Variants in ERBB4 observed in about 807,000 individuals in gnomAD.
ERBB4 encodes erb-b2 receptor tyrosine kinase 4.
Under a neutral mutation model 158.0 loss-of-function variants are expected in ERBB4, and 42 were observed. The ratio of observed to expected loss-of-function variants is 0.27; its 90% CI spans 0.21 to 0.34. ERBB4 has a LOEUF of 0.34. ERBB4 is among the 10% of genes least tolerant of loss of function. The probability of loss-of-function intolerance (pLI) is 1.00; values close to 1 mark genes in which losing one functional copy is unlikely to be tolerated. For synonymous variants in ERBB4, 583 were observed against 558.7 expected (o/e 1.04, Z -0.61); for missense variants, 1,333 against 1,624.1 (o/e 0.82, Z 3.08).
intron 9 of ERBB4, among the ~76,000 whole-genome samples, chr2:211,706,616 CA>C (rs887747554): frequency 6.4e-5 from 9 of 141,108 alleles, no homozygotes; most frequent in African/African-American, 1.3e-4. Flanking sequence ...AAAAAAAAAA[CA>C]AAAAAAACTT....
chr2:212,482,264 A>G (rs965577157), intron 1 of ERBB4, among the ~76,000 whole-genome samples: 3 of 152,222 alleles, frequency 2.0e-5, no homozygotes, highest in Non-Finnish European at 4.4e-5. Flanking sequence ...CGCTGATTGA[A>G]TGTGTTAAAG....
chr2:212,264,749 A>C (rs2085069282), intron 1 of ERBB4, among the ~76,000 whole-genome samples: 1 of 152,148 alleles, frequency 6.6e-6, no homozygotes, highest in African/African-American at 2.4e-5. Context: ...AGCACCGTGA[A>C]TATTATGTGT....
Position 211,702,242 on chromosome 2 carries a change from A to G in ERBB4, c.1290-76T>C, listed in dbSNP as rs192497250. 20 of 1,098,932 alleles carry G rather than the reference A, an allele frequency of 1.8e-5. No homozygotes were observed. In the African/African-American group the frequency reaches 2.3e-4, roughly 13 times the overall value. 68.1% of individuals were successfully genotyped at this position (1,098,932 alleles called of 1,614,324 possible). A position where few individuals can be genotyped will look rare whatever the true frequency, so the allele number is the denominator to read the frequency against. Reference sequence around the variant, plus strand: ...AAATAAGGCTGTCACATTTTATTTTAAAAAGAATGTTAATGGTGTATAAAT... The same window carrying G: ...AAATAAGGCTGTCACATTTTATTTTGAAAAGAATGTTAATGGTGTATAAAT... On this transcript the variant is annotated intron_variant, in intron 11 of 27. Transcript: ENST00000342788.
intron 2 of ERBB4, among the ~76,000 whole-genome samples, chr2:211,972,584 AC>A (rs2081485204): frequency 6.6e-6 from 1 of 152,036 alleles, no homozygotes; most frequent in African/African-American, 2.4e-5. Flanking sequence ...AGAATAGAGA[AC>A]CCAGAAAAAA....
At chr2:212,090,893 C>G (rs1196687428) in intron 2 of ERBB4, among the ~76,000 whole-genome samples, 5 of 152,284 alleles carry the variant, frequency 3.3e-5, no homozygotes, top group African/African-American at 1.2e-4. Context: ...TAAAACTGAA[C>G]TAATGTGATG....
At chr2:212,154,577 T>A (rs2125635026) in intron 1 of ERBB4, among the ~76,000 whole-genome samples, 1 of 152,284 alleles carries the variant, frequency 6.6e-6, no homozygotes, top group South Asian at 2.1e-4. Context: ...TGGCACTTAG[T>A]GTGGATTTAC....
chr2:211,888,805 CG>C (rs1387458025), intron 3 of ERBB4, among the ~76,000 whole-genome samples: 3 of 151,692 alleles, frequency 2.0e-5, no homozygotes, highest in African/African-American at 7.3e-5. Context: ...CCTGGAAAAT[CG>C]GGTCACTCCC....
chr2:212,533,550 G>C (rs1456976366), intron 1 of ERBB4, among the ~76,000 whole-genome samples: 2 of 152,058 alleles, frequency 1.3e-5, no homozygotes, highest in Non-Finnish European at 2.9e-5. Flanking sequence ...CTCAAATTAT[G>C]TTGAAGACAT....
At position 211,539,430 on chromosome 2, in the gene ERBB4, G is replaced by C. The variant is rs572727481; in HGVS notation, c.2487+22473C>G. Among the ~76,000 whole-genome samples, 7 of 152,064 alleles carry C rather than the reference G, an allele frequency of 4.6e-5. No individual in the cohort carries two copies. In the East Asian group the frequency reaches 9.7e-4, roughly 21 times the overall value. The stretch of plus-strand genomic sequence containing the variant: ...TCTAATAAACCAATAGATTTGATTT[G>C]TTTTAAATAAGCACATCTGCGTCTT... On this transcript the variant is annotated intron_variant, in intron 20 of 27. Transcript: ENST00000342788.
rs188258079 is a variant in ERBB4 at position 212,227,520 on chromosome 2, T to C, written c.83-102617A>G. Among the ~76,000 whole-genome samples the C allele has an allele frequency of 5.7e-3, 862 of 152,256 alleles. 8 individuals are homozygous for C. Among genetic ancestry groups the C allele is most frequent in the Admixed American group, 0.012 (189 of 15,286 alleles). ...CTTTCAGCTTGTAGATAATCAACGA[T>C]TAATTTGAATAGTTACTTTATATAT... On this transcript the variant is annotated intron_variant, in intron 1 of 27. Transcript: ENST00000342788.
At chr2:212,383,405 CGAAA>C (rs756791715) in intron 1 of ERBB4, among the ~76,000 whole-genome samples, 1 of 151,254 alleles carries the variant, frequency 6.6e-6, no homozygotes, top group South Asian at 2.1e-4. Flanking sequence ...TCCACTTATC[CGAAA>C]GAAAGAAGGA....
At chr2:211,755,117 G>T (rs979583529) in intron 4 of ERBB4, among the ~76,000 whole-genome samples, 3 of 152,186 alleles carry the variant, frequency 2.0e-5, no homozygotes, top group Admixed American at 6.5e-5. Context: ...AGTACGTCTT[G>T]TTATTTTGGC....
intron 19 of ERBB4, among the ~76,000 whole-genome samples, chr2:211,562,542 C>T (rs2067425862): frequency 6.6e-6 from 1 of 151,894 alleles, no homozygotes; most frequent in African/African-American, 2.4e-5. Flanking sequence ...TAGAGTTGGA[C>T]AGCTTACAAC....
intron 4 of ERBB4, among the ~76,000 whole-genome samples, chr2:211,772,834 T>TATATATATATATACAC (rs1219416032): frequency 0.063 from 649 of 10,314 alleles, 61 homozygotes; most frequent in African/African-American, 0.24. Context: ...TATATATATA[T>TATATATATATATACAC]ACACATATAT....
intron 2 of ERBB4, among the ~76,000 whole-genome samples, chr2:211,976,949 A>G (rs1238703123): frequency 1.3e-5 from 2 of 152,208 alleles, no homozygotes; most frequent in Admixed American, 1.3e-4. Context: ...ATTCCACTGT[A>G]AAATAAAGAT....
intron 3 of ERBB4, among the ~76,000 whole-genome samples, chr2:211,909,348 C>T (rs2079481639): frequency 6.6e-6 from 1 of 151,598 alleles, no homozygotes; most frequent in Non-Finnish European, 1.5e-5. Flanking sequence ...TCACGTGTTA[C>T]TTAATACCTG....
chr2:212,377,211 A>G (rs2090353421), intron 1 of ERBB4, among the ~76,000 whole-genome samples: 1 of 148,180 alleles, frequency 6.7e-6, no homozygotes, highest in Admixed American at 6.8e-5. Flanking sequence ...ATATATATAT[A>G]TATGAATATA....
At chr2:212,509,670 C>T (rs891980092) in intron 1 of ERBB4, among the ~76,000 whole-genome samples, 20 of 152,066 alleles carry the variant, frequency 1.3e-4, no homozygotes, top group African/African-American at 4.8e-4. Flanking sequence ...ATTCTGCCTC[C>T]TGTTCAGATT....
At chr2:212,285,344 C>T (rs2085920803) in intron 1 of ERBB4, among the ~76,000 whole-genome samples, 1 of 151,670 alleles carries the variant, frequency 6.6e-6, no homozygotes, top group Non-Finnish European at 1.5e-5. Context: ...GCAGGCTTGT[C>T]AAAGCCAATA....
Sources: allele counts gnomAD v4.1 joint callset (sites outside exome capture counted in the v4.1 genomes callset), GRCh38; gene constraint gnomAD v4.1.1; transcripts MANE v1.5; gene names NCBI Gene and HGNC (gene_info 2026-07-23, HGNC 2026-07-21).